Variants in ZNF679 observed in about 807,000 individuals in gnomAD.
ZNF679 encodes the protein hypothetical protein MGC42415.
ZNF679 carries 10 observed loss-of-function variants against 13.4 expected under a neutral mutation model. The observed-to-expected ratio is 0.75, with a 90% CI of 0.46 to 1.27. The LOEUF is 1.27. Among genes scored for constraint, ZNF679 ranks in the 50% most tolerant of loss-of-function variants. ZNF679 has a pLI of 0.00. For synonymous variants in ZNF679, 179 were observed against 162.5 expected (o/e 1.10, Z -0.77); for missense variants, 525 against 477.8 (o/e 1.10, Z -0.92).
Position 64,260,850 on chromosome 7 carries a change from G to A in ZNF679, c.183G>A (p.Lys61=). 2 of 1,609,312 alleles carry A rather than the reference G, an allele frequency of 1.2e-6. No individual in the cohort carries two copies. Among genetic ancestry groups the A allele is most frequent in the South Asian group, 1.1e-5 (1 of 90,146 alleles). The change falls in exon 4 of 5, where the codon AAG becomes AAA. Residue 61 remains lysine (K), a synonymous_variant. Coordinates refer to ENST00000421025, the MANE Select transcript of ZNF679 (RefSeq NM_153363.3). ...NLVSLGIAVS[K]PDLITCLEQN... ...ATAAAACAGGTATTGCTGTCTCTAA[G>A]CCAGACTTGATCACCTGTCTGGAGC...
chr7:64,259,655 C>T (rs1218975435), intron 2 of ZNF679, among the ~76,000 whole-genome samples: 4 of 152,030 alleles, frequency 2.6e-5, no homozygotes, highest in East Asian at 1.9e-4. Flanking sequence ...AGGCCAGGTG[C>T]GGGGGCTCAC....
intron 1 of ZNF679, among the ~76,000 whole-genome samples, chr7:64,245,326 T>G (rs1316360176): frequency 6.6e-6 from 1 of 151,876 alleles, no homozygotes; most frequent in Non-Finnish European, 1.5e-5. Flanking sequence ...ATGCCCGGCC[T>G]GTTTCAGGGA....
intron 1 of ZNF679, among the ~76,000 whole-genome samples, chr7:64,245,799 A>G (rs957558750): frequency 1.3e-5 from 2 of 152,282 alleles, no homozygotes; most frequent in East Asian, 1.9e-4. Flanking sequence ...TGAGGTCAGG[A>G]GTTTGAGGCC....
At chr7:64,233,265 A>AG (rs1341115832) in intron 1 of ZNF679, among the ~76,000 whole-genome samples, 51 of 151,728 alleles carry the variant, frequency 3.4e-4, no homozygotes, top group East Asian at 1.6e-3. Context: ...AAAAAAAAAA[A>AG]AAAGAAAGAA....
chr7:64,230,998 G>T (rs542563301), intron 1 of ZNF679, among the ~76,000 whole-genome samples: 27 of 152,202 alleles, frequency 1.8e-4, no homozygotes, highest in Non-Finnish European at 3.8e-4. Flanking sequence ...CAGTGACTGG[G>T]CTGTGTCCAT....
intron 1 of ZNF679, among the ~76,000 whole-genome samples, chr7:64,241,666 A>G (rs1208969797): frequency 6.6e-6 from 1 of 152,172 alleles, no homozygotes. Context: ...AAAGAGTTAT[A>G]TCATTTGGGT....
In ZNF679 at chr7:64,252,988, G is replaced by A. The variant is rs187676477; in HGVS notation, c.39+3832G>A. On this transcript the variant is annotated intron_variant, in intron 2 of 4. Transcript: ENST00000421025. Reference sequence around the variant, plus strand: ...CCACCTGGGCCTCTCCAAATGCTGGGATTACAGGCAAGAGCCACTGCTCCT... The same window carrying A: ...CCACCTGGGCCTCTCCAAATGCTGGAATTACAGGCAAGAGCCACTGCTCCT... 2.3e-3 allele frequency among the ~76,000 whole-genome samples: 346 copies of A among 152,300 alleles called. 2 individuals are homozygous for A. The highest frequency in any genetic ancestry group is 8.1e-3 in the African/African-American group (337 of 41,564).
intron 1 of ZNF679, among the ~76,000 whole-genome samples, chr7:64,245,000 T>C (rs542403152): frequency 4.1e-4 from 62 of 152,302 alleles, no homozygotes; most frequent in African/African-American, 1.4e-3. Context: ...ATTTTGTTGT[T>C]GTTTGTTTCA....
At chr7:64,253,653 A>G (rs1787969676) in intron 2 of ZNF679, among the ~76,000 whole-genome samples, 1 of 152,230 alleles carries the variant, frequency 6.6e-6, no homozygotes, top group African/African-American at 2.4e-5. Context: ...CAGGTATAAG[A>G]TTTTTAAGGA....
intron 1 of ZNF679, among the ~76,000 whole-genome samples, chr7:64,238,702 G>C (rs759274798): frequency 1.3e-5 from 2 of 152,096 alleles, no homozygotes; most frequent in Non-Finnish European, 2.9e-5. Flanking sequence ...CACTACTTTA[G>C]AATGAAGTTA....
intron 3 of ZNF679, 58 bp from the exon 4 acceptor site, chr7:64,260,776 G>A (rs746452809): frequency 2.3e-5 from 35 of 1,517,880 alleles, no homozygotes; most frequent in African/African-American, 5.6e-5. Context: ...CATAATACTC[G>A]TTTGGTAATT....
At chr7:64,260,556 T>G (rs1422100323) in intron 3 of ZNF679, among the ~76,000 whole-genome samples, 1 of 152,190 alleles carries the variant, frequency 6.6e-6, no homozygotes, top group Non-Finnish European at 1.5e-5. Flanking sequence ...TCTTTCACTC[T>G]AGGTTAGTGG....
chr7:64,261,678 G>C (rs1452521230), intron 4 of ZNF679, among the ~76,000 whole-genome samples: 1 of 151,926 alleles, frequency 6.6e-6, no homozygotes, highest in Non-Finnish European at 1.5e-5. Context: ...CATAGTTGGT[G>C]TTTTTGAAAA....
chr7:64,229,464 A>C (rs1787606753), intron 1 of ZNF679, among the ~76,000 whole-genome samples: 1 of 152,144 alleles, frequency 6.6e-6, no homozygotes, highest in Non-Finnish European at 1.5e-5. Flanking sequence ...TACGACAGTC[A>C]CGATTCCAAC....
chr7:64,246,725 G>GAAAGAAAGA (rs1584230611), intron 1 of ZNF679, among the ~76,000 whole-genome samples: 1 of 148,620 alleles, frequency 6.7e-6, no homozygotes, highest in East Asian at 2.0e-4. Flanking sequence ...TCTGTCAAAA[G>GAAAGAAAGA]AAAGAAAGAA....
At chr7:64,240,103 A>C (rs1430410664) in intron 1 of ZNF679, among the ~76,000 whole-genome samples, 1 of 152,168 alleles carries the variant, frequency 6.6e-6, no homozygotes, top group African/African-American at 2.4e-5. Context: ...CAAAGGGGGC[A>C]TTGTGATATA....
intron 1 of ZNF679, among the ~76,000 whole-genome samples, chr7:64,242,794 C>T (rs1039825783): frequency 6.6e-6 from 1 of 151,308 alleles, no homozygotes; most frequent in Admixed American, 6.6e-5. Flanking sequence ...GTAGAAAAGC[C>T]AGAATTTTAT....
At chr7:64,249,291 G>C (rs1055458270) in intron 2 of ZNF679, 135 bp downstream of exon 2, 2 of 1,421,470 alleles carry the variant, frequency 1.4e-6, no homozygotes, top group Non-Finnish European at 1.9e-6. Context: ...TGGCCCAGGT[G>C]GGCTGTTAGT....
chr7:64,260,132 T>G, intron 2 of ZNF679, 89 bp from the exon 3 acceptor site: 1 of 1,200,468 alleles, frequency 8.3e-7, no homozygotes, highest in Non-Finnish European at 1.2e-6. Context: ...ACTCTCTAAC[T>G]TGAGTCAAAT....
Sources: gnomAD v4.1 joint callset for allele counts (sites outside exome capture counted in the v4.1 genomes callset) on GRCh38, gnomAD v4.1.1 for gene constraint, MANE v1.5 for transcripts, NCBI Gene and HGNC (gene_info 2026-07-23, HGNC 2026-07-21) for gene names.